The following ESR2 variants were observed in gnomAD, a reference collection of about 807,000 sequenced individuals.
ESR2 encodes the protein estrogen receptor 2.
ESR2 carries 36 observed loss-of-function variants against 49.6 expected under a neutral mutation model. The ratio of observed to expected loss-of-function variants is 0.73; its 90% CI spans 0.56 to 0.96. The LOEUF (loss-of-function observed/expected upper bound fraction) is 0.96. Ranked by LOEUF, ESR2 falls within the 40% of genes least tolerant of loss-of-function variation. The pLI is 0.00. For missense variants in ESR2, 714 were observed against 693.0 expected (o/e 1.03, Z -0.34); for synonymous variants, 320 against 266.1 (o/e 1.20, Z -1.97).
chr14:64,257,005 A>G (rs535579954), intron 6 of ESR2, among the ~76,000 whole-genome samples: 2 of 152,284 alleles, frequency 1.3e-5, no homozygotes, highest in African/African-American at 4.8e-5. Flanking sequence ...TGGCCTGTAA[A>G]TGCTGCTGCA....
At chr14:64,311,890 A>G (rs1271751401) in intron 1 of ESR2, among the ~76,000 whole-genome samples, 1 of 152,170 alleles carries the variant, frequency 6.6e-6, no homozygotes, top group Non-Finnish European at 1.5e-5. Context: ...ATTTTTAAAA[A>G]TGAAGGAATC....
Position 64,230,867 on chromosome 14 carries a change from A to AAT in ESR2, c.*2269_*2270insAT, listed in dbSNP as rs1429119858. On this transcript the variant is annotated 3_prime_UTR_variant, in exon 9 of 9. Transcript: ENST00000341099. ...GATCTACTCTCAAAAAAAAAAAATT[A>AAT]TATATATATATATATATATATTTCG... is the stretch of plus-strand genomic sequence containing the variant. The AAT allele has an allele frequency of 1.0e-4, 3 of 28,610 alleles. No homozygotes were observed. In the African/African-American group the frequency reaches 1.5e-3, roughly 15 times the overall value. 1.8% of individuals were successfully genotyped at this position (28,610 alleles called of 1,614,324 possible). A position where few individuals can be genotyped will look rare whatever the true frequency, so the allele number is the denominator to read the frequency against.
Position 64,237,652 on chromosome 14 carries a change from C to T in ESR2, c.1226-2502G>A, listed in dbSNP as rs183842699. ...TAAAAGTGGAATGTCCACTAACTGACGAATGGCTCAACAAAATGTGGTCTA... is the reference window on the plus strand; with the variant it reads ...TAAAAGTGGAATGTCCACTAACTGATGAATGGCTCAACAAAATGTGGTCTA... On this transcript the variant is annotated intron_variant, in intron 7 of 8. Coordinates refer to ENST00000341099, the MANE Select transcript of ESR2 (RefSeq NM_001437.3). 8.6e-3 allele frequency among the ~76,000 whole-genome samples: 1,310 copies of T among 152,260 alleles called. 6 individuals carry two copies. The highest frequency in any genetic ancestry group is 0.015 in the Non-Finnish European group (1,019 of 68,010).
chr14:64,274,985 A>G (rs2076528726), intron 3 of ESR2, among the ~76,000 whole-genome samples: 1 of 152,136 alleles, frequency 6.6e-6, no homozygotes, highest in Admixed American at 6.5e-5. Flanking sequence ...AGTTTTTTTG[A>G]ATGTTTTAAC....
Position 64,282,808 on chromosome 14 carries a change from T to C in ESR2, c.178A>G (p.Ser60Gly). ...CCACCTTCCAAGTTAGTGACATTGC[T>C]GGGAATGCTGTAATTCATCACAGCA... ...SPAVMNYSIP[S>G]NVTNLEGGPG... The change falls in exon 2 of 9, where the codon AGC becomes GGC. Residue 60 changes from serine to glycine, a missense_variant. Ser to Gly is a moderately conservative substitution (Grantham distance 56). Transcript: ENST00000341099. The C allele has an allele frequency of 6.2e-7, 1 of 1,614,206 alleles. No individual in the cohort carries two copies. Among genetic ancestry groups the C allele is most frequent in the East Asian group, 2.2e-5 (1 of 44,886 alleles).
At position 64,328,010 on chromosome 14, in the gene ESR2, C is replaced by T. The variant is rs909930840; in HGVS notation, c.-91+9888G>A. 2.0e-5 allele frequency among the ~76,000 whole-genome samples: 3 copies of T among 146,948 alleles called. No individual in the cohort carries two copies. The Admixed American group carries it at 2.1e-4, about 10-fold the overall frequency. On this transcript the variant is annotated intron_variant, in intron 1 of 8. Transcript: ENST00000358599. Reference sequence around the variant, plus strand: ...TCTCCTGAGATCAGGAGTTTGAGACCAGCCTGGCTAACATGGTGAAACCTG... The same window carrying T: ...TCTCCTGAGATCAGGAGTTTGAGACTAGCCTGGCTAACATGGTGAAACCTG...
In ESR2 at chr14:64,310,227, C is replaced by T. The variant is rs527809039; in HGVS notation, c.-90-27152G>A. 1.1e-4 allele frequency among the ~76,000 whole-genome samples: 16 copies of T among 151,354 alleles called. No homozygotes were observed. The South Asian group carries it at 3.1e-3, about 30-fold the overall frequency. On this transcript the variant is annotated intron_variant, in intron 1 of 8. Coordinates refer to the ESR2 transcript ENST00000358599. Reference sequence around the variant, plus strand: ...GGCGGAGGTTGCAGTGAGCCAAGATCGCGCCACTGCATTCCAGCCTGGGCG... The same window carrying T: ...GGCGGAGGTTGCAGTGAGCCAAGATTGCGCCACTGCATTCCAGCCTGGGCG...
At chr14:64,300,336 A>G (rs1311423955) in intron 1 of ESR2, among the ~76,000 whole-genome samples, 2 of 152,152 alleles carry the variant, frequency 1.3e-5, no homozygotes, top group African/African-American at 4.8e-5. Context: ...CACTGCTACT[A>G]TCTCACAGGC....
At chr14:64,283,848 A>G (rs2076735950) in intron 1 of ESR2, among the ~76,000 whole-genome samples, 1 of 152,118 alleles carries the variant, frequency 6.6e-6, no homozygotes. Flanking sequence ...ATAAAAAACA[A>G]TGGGTATTAG....
At chr14:64,320,179 C>T (rs1394709889) in intron 1 of ESR2, among the ~76,000 whole-genome samples, 3 of 151,972 alleles carry the variant, frequency 2.0e-5, no homozygotes, top group Non-Finnish European at 4.4e-5. Flanking sequence ...AACTTTAATG[C>T]ATATTACTAA....
Position 64,282,674 on chromosome 14 carries a change from CTTT to C in ESR2, c.309_311del (p.Lys104del). The C allele has an allele frequency of 6.2e-7, 1 of 1,613,038 alleles. No individual in the cohort carries two copies. ...GCGATCTTGCTTCACACCAGGGACT[CTTT>C]TGAGGTTCCGCATACAGATGTGATA... On this transcript the variant is annotated inframe_deletion, in exon 2 of 9. Coordinates refer to ENST00000341099, the MANE Select transcript of ESR2 (RefSeq NM_001437.3).
chr14:64,307,534 T>C (rs747809494), intron 1 of ESR2, among the ~76,000 whole-genome samples: 2 of 149,848 alleles, frequency 1.3e-5, no homozygotes, highest in Non-Finnish European at 3.0e-5. Context: ...TTTTGTTTTG[T>C]TTTGTTTTGT....
At chr14:64,258,775 T>C (rs1187168626) in intron 5 of ESR2, among the ~76,000 whole-genome samples, 5 of 152,218 alleles carry the variant, frequency 3.3e-5, no homozygotes, top group South Asian at 4.1e-4. Context: ...GTCTCACCCA[T>C]AGTGATTGAC....
At position 64,260,703 on chromosome 14, in the gene ESR2, C is replaced by G. The variant is rs200990124; in HGVS notation, c.698G>C (p.Arg233Thr). The change falls in exon 5 of 9, where the codon AGA (arginine) becomes ACA (threonine). Residue 233 changes from arginine to threonine, a missense_variant. Physicochemically the swap from Arg to Thr is moderately conservative, Grantham distance 71. Transcript: ENST00000341099. ...RCGYRLVRRQ[R>T]SADEQLHCAG... is the part of the protein sequence containing the mutation. The stretch of plus-strand genomic sequence containing the variant: ...ACAGTGCAGCTGCTCGTCGGCACTT[C>G]TCTGTCTCCGCACAAGGCGGTACCC... The G allele has an allele frequency of 6.4e-7, 1 of 1,557,272 alleles. No homozygotes were observed. Among genetic ancestry groups the G allele is most frequent in the East Asian group, 2.3e-5 (1 of 43,094 alleles).
At chr14:64,314,853 G>A (rs1246812713) in intron 1 of ESR2, among the ~76,000 whole-genome samples, 2 of 139,848 alleles carry the variant, frequency 1.4e-5, no homozygotes, top group African/African-American at 2.7e-5. Flanking sequence ...ACTCTGGCCT[G>A]GGTAACAGAG....
At chr14:64,250,676 G>C (rs1236283412) in intron 6 of ESR2, among the ~76,000 whole-genome samples, 2 of 152,164 alleles carry the variant, frequency 1.3e-5, no homozygotes, top group Non-Finnish European at 2.9e-5. Context: ...GCCCCTGAAG[G>C]GGCCTTGAGG....
At chr14:64,291,975 T>G (rs183202696) in intron 1 of ESR2, among the ~76,000 whole-genome samples, 3 of 152,312 alleles carry the variant, frequency 2.0e-5, no homozygotes, top group Admixed American at 2.0e-4. Flanking sequence ...TATAAATAAC[T>G]TTTAATGGCC....
intron 5 of ESR2, among the ~76,000 whole-genome samples, chr14:64,258,085 T>C (rs2076140406): frequency 1.3e-5 from 2 of 152,072 alleles, no homozygotes; most frequent in Admixed American, 1.3e-4. Flanking sequence ...GGCAGGTGCC[T>C]GTAGTCCCAG....
At chr14:64,316,098 C>T (rs1441457806) in intron 1 of ESR2, among the ~76,000 whole-genome samples, 1 of 152,158 alleles carries the variant, frequency 6.6e-6, no homozygotes, top group African/African-American at 2.4e-5. Context: ...TAGCTTTGAA[C>T]TCCTAGGCTC....
Sources: allele counts gnomAD v4.1 joint callset (sites outside exome capture counted in the v4.1 genomes callset), GRCh38; gene constraint gnomAD v4.1.1; transcripts MANE v1.5; gene names NCBI Gene and HGNC (gene_info 2026-07-23, HGNC 2026-07-21).